AKT3: variants seen among roughly 807,000 people sequenced by gnomAD.
AKT3 encodes RAC-gamma serine/threonine-protein kinase.
In AKT3, 15 loss-of-function variants were observed where a neutral mutation model predicts 65.3. That is an observed-to-expected ratio of 0.23 (90% CI 0.15 to 0.35). The LOEUF (loss-of-function observed/expected upper bound fraction) is 0.35. AKT3 is among the 10% of genes least tolerant of loss of function. The pLI is 1.00. For synonymous variants in AKT3, 206 were observed against 183.8 expected (o/e 1.12, Z -0.98); for missense variants, 243 against 576.5 (o/e 0.42, Z 5.92).
chr1:243,831,265 A>G (rs1694490519), intron 2 of AKT3, among the ~76,000 whole-genome samples: 1 of 152,244 alleles, frequency 6.6e-6, no homozygotes, highest in Non-Finnish European at 1.5e-5. Context: ...CAGTGCTGTC[A>G]AGGAGGTTAC....
chr1:243,849,609 C>G (rs1695672543), intron 1 of AKT3, among the ~76,000 whole-genome samples: 1 of 152,052 alleles, frequency 6.6e-6, no homozygotes, highest in Non-Finnish European at 1.5e-5. Flanking sequence ...CCGCCGCCCC[C>G]GGTCCAGGCG....
chr1:243,762,219 GT>G lies in AKT3; in HGVS notation c.47-66504del, dbSNP rs200668371. Among the ~76,000 whole-genome samples the G allele has an allele frequency of 9.1e-3, 1,378 of 152,030 alleles. 19 individuals carry two copies. Among genetic ancestry groups the G allele is most frequent in the Non-Finnish European group, 0.013 (889 of 67,896 alleles). On this transcript the variant is annotated intron_variant, in intron 2 of 13. Coordinates refer to ENST00000673466, the MANE Select transcript of AKT3 (RefSeq NM_005465.7). ...GAGGGGAAAAATAATCATTTATTCTGTTTAGATTGCTGATCATCTGTTCCTA... is the reference window on the plus strand; with the variant it reads ...GAGGGGAAAAATAATCATTTATTCTGTTAGATTGCTGATCATCTGTTCCTA...
At chr1:243,515,759 G>A (rs1452615400) in intron 12 of AKT3, among the ~76,000 whole-genome samples, 1 of 152,160 alleles carries the variant, frequency 6.6e-6, no homozygotes, top group Non-Finnish European at 1.5e-5. Flanking sequence ...GGGAGGCCGA[G>A]GCAGGCAGAT....
intron 2 of AKT3, among the ~76,000 whole-genome samples, chr1:243,706,801 C>T (rs980138698): frequency 9.9e-5 from 15 of 152,192 alleles, no homozygotes; most frequent in Non-Finnish European, 1.9e-4. Flanking sequence ...TTCACAGCAA[C>T]ACTGAGACTG....
At chr1:243,589,025 C>T (rs955113554) in intron 8 of AKT3, among the ~76,000 whole-genome samples, 1 of 151,880 alleles carries the variant, frequency 6.6e-6, no homozygotes, top group African/African-American at 2.4e-5. Flanking sequence ...ATACAAAACT[C>T]GGCTGGGCAC....
intron 2 of AKT3, among the ~76,000 whole-genome samples, chr1:243,820,532 T>A (rs773622345): frequency 1.4e-4 from 21 of 152,254 alleles, no homozygotes; most frequent in African/African-American, 5.1e-4. Flanking sequence ...TCAAACCCAA[T>A]GCAAAGAAGC....
At chr1:243,542,096 G>A (rs1004956146) in intron 12 of AKT3, among the ~76,000 whole-genome samples, 1 of 152,158 alleles carries the variant, frequency 6.6e-6, no homozygotes, top group Non-Finnish European at 1.5e-5. Flanking sequence ...TTGTTAAGAT[G>A]TCAGCTCTTC....
At chr1:243,547,952 T>G (rs900148398) in intron 11 of AKT3, 1 of 152,234 alleles carries the variant, frequency 6.6e-6, no homozygotes, top group Non-Finnish European at 1.5e-5. Context: ...ATTTTCAGAC[T>G]GGTAGTTCTG....
intron 2 of AKT3, among the ~76,000 whole-genome samples, chr1:243,698,962 C>A (rs1032200948): frequency 1.3e-5 from 2 of 150,558 alleles, no homozygotes; most frequent in East Asian, 1.9e-4. Context: ...CAGTATTATA[C>A]CAGATTTCAG....
At chr1:243,775,838 C>T (rs73128284) in intron 2 of AKT3, among the ~76,000 whole-genome samples, 1 of 152,092 alleles carries the variant, frequency 6.6e-6, no homozygotes, top group African/African-American at 2.4e-5. Flanking sequence ...GGTACTTCTG[C>T]TTTCCCAGGC....
chr1:243,835,057 A>G (rs775540416), intron 2 of AKT3, among the ~76,000 whole-genome samples: 3 of 152,220 alleles, frequency 2.0e-5, no homozygotes, highest in African/African-American at 4.8e-5. Context: ...ATAGACTGTA[A>G]TAAATTAAGA....
At chr1:243,593,752 T>C (rs1676403250) in intron 8 of AKT3, among the ~76,000 whole-genome samples, 1 of 152,120 alleles carries the variant, frequency 6.6e-6, no homozygotes, top group African/African-American at 2.4e-5. Flanking sequence ...GAAAAGTCAA[T>C]GTCCACTGAT....
intron 6 of AKT3, among the ~76,000 whole-genome samples, chr1:243,620,103 T>C (rs1177436948): frequency 2.0e-5 from 2 of 98,314 alleles, no homozygotes; most frequent in African/African-American, 5.3e-5. Flanking sequence ...GGGAGGTGAC[T>C]GGGATCAGGG....
At chr1:243,744,559 G>A (rs1163929297) in intron 2 of AKT3, among the ~76,000 whole-genome samples, 4 of 151,760 alleles carry the variant, frequency 2.6e-5, no homozygotes, top group Admixed American at 1.3e-4. Context: ...CTAAAACGGT[G>A]AAACCCCGTC....
intron 3 of AKT3, among the ~76,000 whole-genome samples, chr1:243,685,689 C>T (rs894459648): frequency 6.6e-6 from 1 of 151,956 alleles, no homozygotes; most frequent in African/African-American, 2.4e-5. Flanking sequence ...CCTTTGAAAA[C>T]CAGCACAAGA....
chr1:243,600,121 G>A (rs1028603313), intron 8 of AKT3, among the ~76,000 whole-genome samples: 1 of 152,054 alleles, frequency 6.6e-6, no homozygotes, highest in Middle Eastern at 3.4e-3. Context: ...TTCAAGACCT[G>A]TACACTAAAA....
downstream of AKT3, among the ~76,000 whole-genome samples, chr1:243,497,333 C>T (rs1190163674): frequency 8.4e-4 from 4 of 4,780 alleles, no homozygotes; most frequent in African/African-American, 2.3e-3. Context: ...GCTGTAGGCA[C>T]GGGTGGGGGG....
intron 2 of AKT3, among the ~76,000 whole-genome samples, chr1:243,822,970 GA>G: frequency 6.6e-6 from 1 of 151,790 alleles, no homozygotes; most frequent in East Asian, 1.9e-4. Flanking sequence ...CAGGAGAGAT[GA>G]AACAAAAAAA....
chr1:243,629,515 G>A (rs371178848), intron 6 of AKT3, among the ~76,000 whole-genome samples: 27 of 151,776 alleles, frequency 1.8e-4, no homozygotes, highest in African/African-American at 5.6e-4. Flanking sequence ...GATATTGGCC[G>A]GGCACAGTGG....
Sources: gnomAD v4.1 joint callset for allele counts (sites outside exome capture counted in the v4.1 genomes callset) on GRCh38, gnomAD v4.1.1 for gene constraint, MANE v1.5 for transcripts, NCBI Gene and HGNC (gene_info 2026-07-23, HGNC 2026-07-21) for gene names.